HEPACAM2: variants seen among roughly 807,000 people sequenced by gnomAD.
HEPACAM2 encodes HEPACAM family member 2.
Under a neutral mutation model 49.6 loss-of-function variants are expected in HEPACAM2, and 49 were observed. The observed-to-expected ratio is 0.99, with a 90% confidence interval of 0.78 to 1.25. The LOEUF is 1.25. Ranked by LOEUF, HEPACAM2 falls within the 50% of genes most tolerant of loss-of-function variation. The pLI is 0.00. For synonymous variants in HEPACAM2, 197 were observed against 202.9 expected (o/e 0.97, Z 0.25); for missense variants, 525 against 557.2 (o/e 0.94, Z 0.58).
intron 4 of HEPACAM2, among the ~76,000 whole-genome samples, chr7:93,202,392 G>T (rs546861762): frequency 3.3e-5 from 5 of 152,008 alleles, no homozygotes; most frequent in African/African-American, 7.2e-5. Flanking sequence ...TAGTCAGTAA[G>T]TCCTAGAATT....
chr7:93,190,467 C>T (rs890211261), intron 9 of HEPACAM2, among the ~76,000 whole-genome samples: 1 of 151,710 alleles, frequency 6.6e-6, no homozygotes, highest in Non-Finnish European at 1.5e-5. Context: ...GATGAACTGA[C>T]AAACACAAAA....
chr7:93,193,140 T>C (rs185380640), intron 8 of HEPACAM2, among the ~76,000 whole-genome samples: 19 of 152,264 alleles, frequency 1.2e-4, no homozygotes, highest in Admixed American at 1.0e-3. Flanking sequence ...TTCATATTTA[T>C]ACACCTTCAC....
chr7:93,194,996 A>G (rs1327100416), intron 8 of HEPACAM2, among the ~76,000 whole-genome samples: 7 of 140,762 alleles, frequency 5.0e-5, no homozygotes, highest in Admixed American at 3.9e-4. Context: ...ATGCACCTTT[A>G]GGGCAATAAT....
chr7:93,200,000 T>C (rs1793839131), intron 4 of HEPACAM2, among the ~76,000 whole-genome samples: 1 of 152,072 alleles, frequency 6.6e-6, no homozygotes, highest in Admixed American at 6.6e-5. Flanking sequence ...TTTGGTTTAA[T>C]TTCATTCTTG....
intron 9 of HEPACAM2, among the ~76,000 whole-genome samples, chr7:93,189,866 C>A (rs1447440507): frequency 6.6e-6 from 1 of 151,818 alleles, no homozygotes; most frequent in African/African-American, 2.4e-5. Flanking sequence ...GAGAGAGTCA[C>A]CAACCACCTA....
rs951449558 is a variant in HEPACAM2, at chr7:93,190,999, T to C, written c.1385+1255A>G. Among the ~76,000 whole-genome samples the C allele has an allele frequency of 3.9e-5, 6 of 152,184 alleles. No individual in the cohort carries two copies. The East Asian group carries it at 1.2e-3, about 29-fold the overall frequency. ...GAAAAACAAATGAACTTAAATAGGA[T>C]AGAAATTTTAATTAGATTAAATCTT... On this transcript the variant is annotated intron_variant, in intron 9 of 9. Coordinates refer to ENST00000394468, the MANE Select transcript of HEPACAM2 (RefSeq NM_001039372.4).
intron 4 of HEPACAM2, among the ~76,000 whole-genome samples, chr7:93,202,794 C>T (rs532476557): frequency 1.4e-4 from 21 of 152,166 alleles, no homozygotes; most frequent in Admixed American, 3.3e-4. Flanking sequence ...TCACTCTGGC[C>T]GGCATCAGCT....
chr7:93,222,809 T>C (rs1186234619), intron 1 of HEPACAM2, among the ~76,000 whole-genome samples: 3 of 152,212 alleles, frequency 2.0e-5, no homozygotes, highest in Admixed American at 6.5e-5. Context: ...AGCAGCTACC[T>C]ATATTTGAAG....
intron 2 of HEPACAM2, 100 bp from the exon 3 acceptor site, chr7:93,215,785 C>T: frequency 8.8e-7 from 1 of 1,135,514 alleles, no homozygotes; most frequent in Non-Finnish European, 1.2e-6. Flanking sequence ...GAAATTATTC[C>T]AGCATTTTAC....
intron 1 of HEPACAM2, chr7:93,225,822 A>G (rs192762303): frequency 1.6e-5 from 12 of 727,294 alleles, no homozygotes; most frequent in East Asian, 5.7e-5. Context: ...TGGAGTAACA[A>G]TCTTTTCAAA....
chr7:93,208,809 G>A lies in HEPACAM2; in HGVS notation c.783C>T (p.Asp261=). ...GLKVGEVFTV[D]LGEAILFDCS... is the part of the protein sequence containing the mutation. ...AATCAAATAGGATGGCCTCTCCAAG[G>A]TCAACAGTAAACACTTCCCCTACTT... Residue 261 remains aspartate (D), a synonymous_variant, in exon 4 of 10, where the codon GAC becomes GAT. Transcript: ENST00000394468. 2 of 1,612,752 alleles carry A rather than the reference G, an allele frequency of 1.2e-6. No individual in the cohort carries two copies. The highest frequency in any genetic ancestry group is 2.2e-5 in the East Asian group (1 of 44,830).
At chr7:93,223,572 A>G (rs1410634479) in intron 1 of HEPACAM2, among the ~76,000 whole-genome samples, 1 of 152,184 alleles carries the variant, frequency 6.6e-6, no homozygotes, top group Non-Finnish European at 1.5e-5. Context: ...TACCTTAAAT[A>G]ATATATTGCC....
chr7:93,189,370 G>A (rs1793483669), intron 9 of HEPACAM2, 100 bp from the exon 10 acceptor site: 1 of 712,596 alleles, frequency 1.4e-6, no homozygotes, highest in Non-Finnish European at 2.2e-6. Flanking sequence ...CAGGGCTACA[G>A]ATTAGAAGAA....
chr7:93,212,424 C>T (rs1037782234), intron 3 of HEPACAM2, among the ~76,000 whole-genome samples: 5 of 152,012 alleles, frequency 3.3e-5, no homozygotes, highest in African/African-American at 1.2e-4. Flanking sequence ...CTCTTGGAAC[C>T]TAACACTTTG....
At chr7:93,193,504 C>T (rs1453813256) in intron 8 of HEPACAM2, among the ~76,000 whole-genome samples, 1 of 152,152 alleles carries the variant, frequency 6.6e-6, no homozygotes, top group African/African-American at 2.4e-5. Context: ...TGTTTTCTGT[C>T]TAACTCCTGA....
Position 93,197,607 on chromosome 7 carries a change from A to G in HEPACAM2, c.1016T>C (p.Leu339Pro). 6.4e-7 allele frequency: 1 copy of G among 1,567,198 alleles called. No homozygotes were observed. Among genetic ancestry groups the G allele is most frequent in the African/African-American group, 1.4e-5 (1 of 72,388 alleles). ...HFTVIITSVGLEKLAQKGKSL... is the reference protein window; with the variant it reads ...HFTVIITSVGPEKLAQKGKSL... The stretch of plus-strand genomic sequence containing the variant: ...TTTTCCTTTCTGTGCAAGCTTCTCC[A>G]GTCCTAAATAAAAAGATAAACATAT... Residue 339 changes from leucine to proline, a missense_variant, in exon 5 of 10, where the codon CTG becomes CCG. Physicochemically the swap from Leu to Pro is moderately conservative, Grantham distance 98. Transcript: ENST00000394468.
At position 93,189,009 on chromosome 7, in the gene HEPACAM2, C is replaced by T. The variant is rs1343570326; in HGVS notation, c.*258G>A. ...GAAACCCCTGTCACTTTCGTTCTCCCCGTCAGCATGAGAACGACTCTCCAC... is the reference window on the plus strand; with the variant it reads ...GAAACCCCTGTCACTTTCGTTCTCCTCGTCAGCATGAGAACGACTCTCCAC... On this transcript the variant is annotated 3_prime_UTR_variant, in exon 10 of 10. Transcript: ENST00000394468. The T allele has an allele frequency of 4.3e-6, 2 of 462,114 alleles. No homozygotes were observed. Among genetic ancestry groups the T allele is most frequent in the Non-Finnish European group, 7.6e-6 (2 of 262,124 alleles). 28.6% of individuals were successfully genotyped at this position (462,114 alleles called of 1,614,324 possible).
At chr7:93,231,649 T>C in the HEPACAM2 span, among the ~76,000 whole-genome samples, 1 of 152,230 alleles carries the variant, frequency 6.6e-6, no homozygotes, top group Non-Finnish European at 1.5e-5. Flanking sequence ...AAGACACTTC[T>C]GTTCCTTTCC....
intron 1 of HEPACAM2, among the ~76,000 whole-genome samples, chr7:93,223,010 G>T (rs1212009656): frequency 1.3e-5 from 2 of 152,140 alleles, no homozygotes; most frequent in Non-Finnish European, 2.9e-5. Flanking sequence ...ATTGCCTTGG[G>T]AATGCACTGG....
Sources: allele counts gnomAD v4.1 joint callset (sites outside exome capture counted in the v4.1 genomes callset), GRCh38; gene constraint gnomAD v4.1.1; transcripts MANE v1.5; gene names NCBI Gene and HGNC (gene_info 2026-07-23, HGNC 2026-07-21).